CAPN8: variants seen among roughly 807,000 people sequenced by gnomAD.
The protein encoded by CAPN8 is calpain-8.
A neutral mutation model predicts 80.9 loss-of-function variants in CAPN8; 87 were observed. The observed-to-expected ratio is 1.07, with a 90% CI of 0.90 to 1.28. The LOEUF (loss-of-function observed/expected upper bound fraction) is 1.28, where lower values mean the gene tolerates loss of function less well. Ranked by LOEUF, CAPN8 falls within the 50% of genes most tolerant of loss-of-function variation. The pLI, the probability that CAPN8 is intolerant of heterozygous loss-of-function variation, is 0.00. For synonymous variants in CAPN8, 299 were observed against 273.8 expected (o/e 1.09, Z -0.91); for missense variants, 757 against 702.0 (o/e 1.08, Z -0.89).
chr1:223,609,415 A>G (rs1656978530), intron 11 of CAPN8, 51 bp from the exon 12 acceptor site: 1 of 398,550 alleles, frequency 2.5e-6, no homozygotes, highest in Non-Finnish European at 4.4e-6. Context: ...CTGGAAGATG[A>G]GAGCCCAAGA....
At chr1:223,618,175 T>C (rs767474142) in intron 9 of CAPN8, 62 of 1,519,886 alleles carry the variant, frequency 4.1e-5, no homozygotes, top group Non-Finnish European at 5.1e-5. Context: ...AGGTGAAAAG[T>C]AGAGAGAGCA....
intron 2 of CAPN8, among the ~76,000 whole-genome samples, chr1:223,635,265 C>G (rs182581575): frequency 1.3e-5 from 2 of 152,204 alleles, no homozygotes; most frequent in East Asian, 1.9e-4. Flanking sequence ...TCCCTTCCCC[C>G]ACTTGGTGAA....
chr1:223,619,535 C>G, intron 8 of CAPN8, 82 bp from the exon 9 acceptor site: 1 of 1,462,672 alleles, frequency 6.8e-7, no homozygotes, highest in Non-Finnish European at 9.3e-7. Context: ...CGGGAAGGAG[C>G]CCTGTGGCAC....
rs555933180 is a variant in CAPN8 at position 223,639,759 on chromosome 1, T to G, written c.308-10979A>C. ...TGTCTAAAGTTTTTCCTTTAACATT[T>G]CCTGTATTTGAATCTGCCTGTGCTT... On this transcript the variant is annotated intron_variant, in intron 2 of 20. Coordinates refer to ENST00000366872, the MANE Select transcript of CAPN8 (RefSeq NM_001143962.2). Among the ~76,000 whole-genome samples the G allele has an allele frequency of 3.9e-5, 6 of 152,350 alleles. No homozygotes were observed. In the South Asian group the frequency reaches 1.2e-3, roughly 32 times the overall value.
chr1:223,643,126 G>A (rs1371753014), intron 2 of CAPN8, among the ~76,000 whole-genome samples: 1 of 152,206 alleles, frequency 6.6e-6, no homozygotes, highest in Non-Finnish European at 1.5e-5. Flanking sequence ...GAAGCCAGGT[G>A]TAATGGGGAA....
intron 11 of CAPN8, among the ~76,000 whole-genome samples, chr1:223,610,857 T>C (rs1657012366): frequency 6.6e-6 from 1 of 152,088 alleles, no homozygotes; most frequent in South Asian, 2.1e-4. Context: ...GGGATCAGGA[T>C]CAGCAGGAGC....
At chr1:223,623,238 A>G (rs1245728992) in intron 6 of CAPN8, among the ~76,000 whole-genome samples, 1 of 152,230 alleles carries the variant, frequency 6.6e-6, no homozygotes, top group East Asian at 1.9e-4. Flanking sequence ...ACGCCCTCCA[A>G]ACAAACACCA....
chr1:223,625,326 C>T (rs1037013461), intron 6 of CAPN8, among the ~76,000 whole-genome samples: 2 of 152,188 alleles, frequency 1.3e-5, no homozygotes, highest in African/African-American at 4.8e-5. Flanking sequence ...CTACAGCTTT[C>T]CTGGCTGCAT....
chr1:223,557,589 C>T (rs964986262), intron 13 of CAPN8, among the ~76,000 whole-genome samples: 36 of 152,306 alleles, frequency 2.4e-4, no homozygotes, highest in Middle Eastern at 3.4e-3. Context: ...AGGTGGTGAA[C>T]CCACACCTCA....
intron 2 of CAPN8, chr1:223,629,050 C>A: frequency 2.4e-6 from 1 of 423,844 alleles, no homozygotes; most frequent in Non-Finnish European, 4.2e-6. Flanking sequence ...CCTACACATT[C>A]AGCCAGTGGA....
chr1:223,616,132 G>T lies in CAPN8; in HGVS notation c.1149C>A (p.Thr383=). ...GCQNYPATYW[T]NPQFKIRLDE... ...CCAAACGGATTTTGAACTGGGGATT[G>T]GTCCAGTACGTGGCTGGAAGTCACC... Residue 383 remains threonine, a synonymous_variant, in exon 10 of 21, where the codon ACC becomes ACA. Transcript: ENST00000366872. 2 of 1,548,696 alleles carry T rather than the reference G, an allele frequency of 1.3e-6. No individual in the cohort carries two copies.
intron 2 of CAPN8, 175 bp from the exon 3 acceptor site, chr1:223,628,955 T>C: frequency 1.7e-6 from 1 of 588,420 alleles, no homozygotes. Context: ...TTCTTCTGCC[T>C]CCTTGGGATT....
intron 2 of CAPN8, among the ~76,000 whole-genome samples, chr1:223,640,090 T>C (rs961837039): frequency 1.3e-5 from 2 of 152,150 alleles, no homozygotes; most frequent in Non-Finnish European, 2.9e-5. Context: ...ACTTTCCAAT[T>C]GCCACAAACC....
intron 9 of CAPN8, among the ~76,000 whole-genome samples, chr1:223,616,441 C>T (rs563300069): frequency 6.4e-4 from 98 of 152,290 alleles, no homozygotes; most frequent in African/African-American, 2.3e-3. Flanking sequence ...TCCCATGATC[C>T]GAGGGCTACA....
intron 1 of CAPN8, 51 bp downstream of exon 1, chr1:223,665,359 G>GT: frequency 2.1e-6 from 3 of 1,442,922 alleles, no homozygotes; most frequent in Non-Finnish European, 2.8e-6. Flanking sequence ...CTGATCAGAT[G>GT]TAAGGCCCCT....
chr1:223,635,584 A>G (rs916294849), intron 2 of CAPN8, among the ~76,000 whole-genome samples: 2 of 151,882 alleles, frequency 1.3e-5, no homozygotes, highest in Admixed American at 6.6e-5. Flanking sequence ...TAATTGTATC[A>G]AAGGTTATTT....
chr1:223,618,236 G>A (rs894938153), intron 9 of CAPN8: 1 of 1,550,572 alleles, frequency 6.4e-7, no homozygotes, highest in East Asian at 2.4e-5. Flanking sequence ...GTCTTCCTGA[G>A]TTTCTTCATC....
intron 2 of CAPN8, among the ~76,000 whole-genome samples, chr1:223,646,347 G>A (rs1259975395): frequency 6.6e-6 from 1 of 152,232 alleles, no homozygotes; most frequent in African/African-American, 2.4e-5. Context: ...TGGATGGCGG[G>A]AGCCAGCCTA....
At chr1:223,622,419 T>A (rs902926372) in intron 7 of CAPN8, among the ~76,000 whole-genome samples, 5 of 152,186 alleles carry the variant, frequency 3.3e-5, no homozygotes, top group Non-Finnish European at 5.9e-5. Flanking sequence ...AGCATCCTTG[T>A]TTCTTCTTGG....
Sources: allele counts gnomAD v4.1 joint callset (sites outside exome capture counted in the v4.1 genomes callset), GRCh38; gene constraint gnomAD v4.1.1; transcripts MANE v1.5; gene names NCBI Gene and HGNC (gene_info 2026-07-23, HGNC 2026-07-21).